PGPEP1: variants seen among roughly 807,000 people sequenced by gnomAD.
PGPEP1 encodes pyroglutamyl-peptidase 1.
A neutral mutation model predicts 24.1 loss-of-function variants in PGPEP1; 15 were observed. That is an observed-to-expected ratio of 0.62 (90% CI 0.42 to 0.96). The LOEUF is 0.96. Among genes scored for constraint, PGPEP1 ranks in the 40% least tolerant of loss-of-function variants. The pLI, the probability that PGPEP1 is intolerant of heterozygous loss-of-function variation, is 0.00. For missense variants in PGPEP1, 242 were observed against 273.4 expected, an observed-to-expected ratio of 0.89 and a Z score of 0.81; for synonymous variants, 122 against 116.4, an observed-to-expected ratio of 1.05 and a Z score of -0.31.
chr19:18,356,157 G>C (rs2144563928), intron 3 of PGPEP1, 146 bp downstream of exon 3: 1 of 622,834 alleles, frequency 1.6e-6, no homozygotes, highest in South Asian at 1.7e-5. Flanking sequence ...TTCAGGCCGG[G>C]CATGGTGGCT....
intron 4 of PGPEP1, among the ~76,000 whole-genome samples, chr19:18,360,025 G>A (rs1404149646): frequency 6.6e-6 from 1 of 152,134 alleles, no homozygotes; most frequent in Non-Finnish European, 1.5e-5. Context: ...TGTTTTTGGA[G>A]ACAGGATCTC....
chr19:18,359,932 G>A (rs970082204), intron 4 of PGPEP1, among the ~76,000 whole-genome samples: 3 of 152,116 alleles, frequency 2.0e-5, no homozygotes, highest in East Asian at 1.9e-4. Context: ...TAATCTGTGC[G>A]CTTGTCCAAC....
At chr19:18,347,963 T>C (rs1970903130) in intron 2 of PGPEP1, among the ~76,000 whole-genome samples, 1 of 152,150 alleles carries the variant, frequency 6.6e-6, no homozygotes, top group South Asian at 2.1e-4. Flanking sequence ...TTTCTCTTTG[T>C]CCCCTGGGTG....
intron 2 of PGPEP1, among the ~76,000 whole-genome samples, chr19:18,355,491 C>T (rs2144561929): frequency 6.6e-6 from 1 of 151,920 alleles, no homozygotes; most frequent in South Asian, 2.1e-4. Context: ...GAACTCCTGA[C>T]CTCAGGTGAT....
At chr19:18,344,548 C>A (rs546334701) in intron 2 of PGPEP1, among the ~76,000 whole-genome samples, 205 of 130,340 alleles carry the variant, frequency 1.6e-3, no homozygotes, top group Non-Finnish European at 1.7e-3. Context: ...TTTAATCACC[C>A]CCTCATCCCC....
At chr19:18,347,613 C>T (rs1469936428) in intron 2 of PGPEP1, among the ~76,000 whole-genome samples, 2 of 150,286 alleles carry the variant, frequency 1.3e-5, no homozygotes, top group Non-Finnish European at 3.0e-5. Context: ...TCTCTGACTC[C>T]ATCTCTCTGT....
intron 2 of PGPEP1, among the ~76,000 whole-genome samples, chr19:18,354,905 G>A (rs963631135): frequency 2.0e-5 from 3 of 149,724 alleles, no homozygotes; most frequent in Non-Finnish European, 3.0e-5. Flanking sequence ...GCTTAGAACT[G>A]TTAGCGTGAG....
At chr19:18,352,219 C>G (rs1971049281) in intron 2 of PGPEP1, among the ~76,000 whole-genome samples, 1 of 138,746 alleles carries the variant, frequency 7.2e-6, no homozygotes, top group South Asian at 2.3e-4. Flanking sequence ...TTGCAGTGAG[C>G]CAAGATTGCG....
Position 18,366,885 on chromosome 19 carries a change from T to A in PGPEP1, c.*3302T>A, listed in dbSNP as rs1428299015. 6.6e-6 allele frequency: 1 copy of A among 152,034 alleles called. No individual in the cohort carries two copies. Among genetic ancestry groups the A allele is most frequent in the Admixed American group, 6.6e-5 (1 of 15,244 alleles). The allele number at this position is 152,034 out of a possible 1,614,324, so 9.4% of individuals were successfully genotyped here. A position where few individuals can be genotyped will look rare whatever the true frequency, so the allele number is the denominator to read the frequency against. On this transcript the variant is annotated 3_prime_UTR_variant, in exon 5 of 5. Transcript: ENST00000269919. The stretch of plus-strand genomic sequence containing the variant: ...TATCCTCATGTGGGCTAGGTGTGGT[T>A]ACTCACACCTGTAATCCTAGCACTT...
At chr19:18,351,212 C>T (rs906458557) in intron 2 of PGPEP1, among the ~76,000 whole-genome samples, 1 of 151,764 alleles carries the variant, frequency 6.6e-6, no homozygotes, top group Admixed American at 6.6e-5. Context: ...TTGCAGTGAG[C>T]TCAGATCGCG....
At chr19:18,341,411 A>G (rs918148963) in intron 1 of PGPEP1, among the ~76,000 whole-genome samples, 3 of 152,058 alleles carry the variant, frequency 2.0e-5, no homozygotes, top group Admixed American at 1.3e-4. Context: ...CCTCGGGGCC[A>G]CGTGGGGCGC....
At position 18,340,621 on chromosome 19, in the gene PGPEP1, C is replaced by G. The variant is rs953160378; in HGVS notation, c.-61C>G. The G allele has an allele frequency of 2.1e-6, 3 of 1,462,584 alleles. No individual in the cohort carries two copies. The African/African-American group carries it at 4.4e-5, about 21-fold the overall frequency. 90.6% of individuals were successfully genotyped at this position (1,462,584 alleles called of 1,614,324 possible). The stretch of plus-strand genomic sequence containing the variant: ...GCCTCGCGCGGCCGAGAGGCTGCAG[C>G]GGCAGCAGCTGTCGCGCCAGTCGCA... On this transcript the variant is annotated 5_prime_UTR_variant, in exon 1 of 5. Transcript: ENST00000269919.
At chr19:18,351,892 A>T (rs1342719330) in intron 2 of PGPEP1, among the ~76,000 whole-genome samples, 4 of 151,856 alleles carry the variant, frequency 2.6e-5, no homozygotes, top group Non-Finnish European at 4.4e-5. Flanking sequence ...TGAGAGGCCA[A>T]GGGGGGGCTG....
Position 18,357,561 on chromosome 19 carries a change from G to A in PGPEP1, c.383G>A (p.Arg128Gln), listed in dbSNP as rs201927649. 99 of 1,612,874 alleles carry A rather than the reference G, an allele frequency of 6.1e-5. No individual in the cohort carries two copies. The East Asian group carries it at 1.8e-3, about 29-fold the overall frequency. ...SIIDMDAVCK[R>Q]VTTLGLDVSV... ...ATCGACATGGATGCTGTGTGCAAGC[G>A]AGTCACCACGTTGGGCCTGGATGTG... Residue 128 changes from arginine (R) to glutamine (Q), a missense_variant, in exon 4 of 5, where the codon CGA becomes CAA. Transcript: ENST00000269919.
At position 18,369,069 on chromosome 19, in the gene PGPEP1, G is replaced by A. The variant is rs1323971893; in HGVS notation, c.*5486G>A. The stretch of plus-strand genomic sequence containing the variant: ...TTTTGCAGTGAGGAGGCCGGCCGAG[G>A]GCTGGGGTTCCACTTAGACCCTTGG... On this transcript the variant is annotated 3_prime_UTR_variant, in exon 5 of 5. Coordinates refer to ENST00000269919, the MANE Select transcript of PGPEP1 (RefSeq NM_017712.4). 6.6e-6 allele frequency: 1 copy of A among 152,314 alleles called. No individual in the cohort carries two copies. Among genetic ancestry groups the A allele is most frequent in the Non-Finnish European group, 1.5e-5 (1 of 68,114 alleles). The allele number at this position is 152,314 out of a possible 1,614,324, so 9.4% of individuals were successfully genotyped here.
At chr19:18,350,408 T>G (rs1970987437) in intron 2 of PGPEP1, among the ~76,000 whole-genome samples, 1 of 152,174 alleles carries the variant, frequency 6.6e-6, no homozygotes, top group Non-Finnish European at 1.5e-5. Flanking sequence ...CGGTAAAATT[T>G]TCTCCTCTGG....
At chr19:18,343,684 T>C (rs985328845) in intron 2 of PGPEP1, among the ~76,000 whole-genome samples, 1 of 142,836 alleles carries the variant, frequency 7.0e-6, no homozygotes, top group Non-Finnish European at 1.5e-5. Flanking sequence ...TCCCTCTTTT[T>C]TTTTTTTTTT....
chr19:18,356,573 C>A (rs1371823634), intron 3 of PGPEP1, among the ~76,000 whole-genome samples: 5 of 151,932 alleles, frequency 3.3e-5, no homozygotes, highest in Non-Finnish European at 7.4e-5. Context: ...ATAGTGAGAT[C>A]CCATCTCTAC....
At chr19:18,346,476 C>T (rs1446126920) in intron 2 of PGPEP1, among the ~76,000 whole-genome samples, 2 of 152,028 alleles carry the variant, frequency 1.3e-5, no homozygotes, top group African/African-American at 4.8e-5. Flanking sequence ...CCCCTAAGTA[C>T]TTCTCTGTGT....
Sources: allele counts gnomAD v4.1 joint callset (sites outside exome capture counted in the v4.1 genomes callset), GRCh38; gene constraint gnomAD v4.1.1; transcripts MANE v1.5; gene names NCBI Gene and HGNC (gene_info 2026-07-23, HGNC 2026-07-21).